CLVS1: variants seen among roughly 807,000 people sequenced by gnomAD.
CLVS1 encodes clavesin 1.
Under a neutral mutation model 33.1 loss-of-function variants are expected in CLVS1, and 10 were observed. The observed-to-expected ratio is 0.30, with a 90% confidence interval of 0.19 to 0.51. The LOEUF (loss-of-function observed/expected upper bound fraction) is 0.51, where lower values mean the gene tolerates loss of function less well. Among genes scored for constraint, CLVS1 ranks in the 20% least tolerant of loss-of-function variants. The pLI, the probability that CLVS1 is intolerant of heterozygous loss-of-function variation, is 0.97. For synonymous variants in CLVS1, 163 were observed against 166.1 expected (o/e 0.98, Z 0.14); for missense variants, 343 against 433.4 (o/e 0.79, Z 1.85).
intron 2 of CLVS1, among the ~76,000 whole-genome samples, chr8:61,189,430 T>C (rs1452198886): frequency 6.6e-6 from 1 of 152,184 alleles, no homozygotes; most frequent in Non-Finnish European, 1.5e-5. Flanking sequence ...GGCCAAATTC[T>C]AAAGACCATG....
At chr8:61,132,539 A>G (rs552048988) in intron 2 of CLVS1, among the ~76,000 whole-genome samples, 4 of 152,324 alleles carry the variant, frequency 2.6e-5, no homozygotes, top group Non-Finnish European at 4.4e-5. Flanking sequence ...TCCATAAAAG[A>G]GAAAAGAGAA....
intron 2 of CLVS1, among the ~76,000 whole-genome samples, chr8:61,235,258 A>G (rs1178533795): frequency 1.3e-5 from 2 of 152,196 alleles, no homozygotes; most frequent in Non-Finnish European, 2.9e-5. Flanking sequence ...GATTGTCCCA[A>G]AAGTGACCAG....
intron 2 of CLVS1, among the ~76,000 whole-genome samples, chr8:61,357,494 C>CTTTTCTTTTTTTTTTT (rs1812776284): frequency 3.9e-5 from 1 of 25,804 alleles, no homozygotes; most frequent in African/African-American, 9.9e-5. Flanking sequence ...TTTTTCTTTT[C>CTTTTCTTTTTTTTTTT]TTTTTTTTTT....
chr8:61,223,724 T>C (rs1385595651), intron 2 of CLVS1, among the ~76,000 whole-genome samples: 2 of 152,242 alleles, frequency 1.3e-5, no homozygotes, highest in African/African-American at 4.8e-5. Flanking sequence ...CATGTTGGCC[T>C]GTCTTGCTAA....
the CLVS1 span, among the ~76,000 whole-genome samples, chr8:60,993,633 C>T: frequency 6.6e-6 from 1 of 152,238 alleles, no homozygotes; most frequent in Non-Finnish European, 1.5e-5. Context: ...CTCTGACTGC[C>T]TCCCAGCCTG....
intron 2 of CLVS1, among the ~76,000 whole-genome samples, chr8:61,228,241 T>C (rs372438426): frequency 1.3e-5 from 2 of 152,226 alleles, no homozygotes; most frequent in Non-Finnish European, 2.9e-5. Context: ...CTTTGAAATA[T>C]GGATACATTA....
the CLVS1 span, among the ~76,000 whole-genome samples, chr8:61,014,092 T>TGG: frequency 2.5e-4 from 38 of 151,882 alleles, no homozygotes; most frequent in African/African-American, 7.7e-4. Context: ...AGTGTTTTTT[T>TGG]TTTTTTTTTT....
chr8:61,019,693 T>C, the CLVS1 span, among the ~76,000 whole-genome samples: 2 of 152,166 alleles, frequency 1.3e-5, no homozygotes, highest in Non-Finnish European at 2.9e-5. Flanking sequence ...CTCCATTTAT[T>C]TGGCCTTTTC....
intron 1 of CLVS1, among the ~76,000 whole-genome samples, chr8:61,129,626 AC>A (rs1393546706): frequency 2.0e-5 from 3 of 152,150 alleles, no homozygotes; most frequent in Non-Finnish European, 2.9e-5. Context: ...CAATAAGGCC[AC>A]TTTCTGGTTC....
At chr8:61,399,719 T>C (rs1814674619) in intron 3 of CLVS1, among the ~76,000 whole-genome samples, 2 of 152,180 alleles carry the variant, frequency 1.3e-5, no homozygotes, top group Non-Finnish European at 2.9e-5. Flanking sequence ...GTATATGGTG[T>C]AAGGAATGGG....
chr8:61,093,817 C>G (rs1198116209), intron 1 of CLVS1, among the ~76,000 whole-genome samples: 1 of 152,188 alleles, frequency 6.6e-6, no homozygotes, highest in Non-Finnish European at 1.5e-5. Flanking sequence ...TTCAGCAGCT[C>G]GCTGCAATGC....
rs1004446368 is a variant in CLVS1, at chr8:61,345,638, A to ATGTGTG, written c.456-30939_456-30934dup. ...CCTCTAGGGGTGTGTGTGTGTGTGT[A>ATGTGTG]TGTGTGTGTGTGTGTGTGTGTGTGT... On this transcript the variant is annotated intron_variant, in intron 2 of 5. Transcript: ENST00000325897. 5.3e-3 allele frequency among the ~76,000 whole-genome samples: 695 copies of ATGTGTG among 130,474 alleles called. 3 individuals carry two copies. The highest frequency in any genetic ancestry group is 0.012 in the African/African-American group (371 of 31,132). The allele number at this position is 130,474 out of a possible 152,430, so 85.6% of individuals were successfully genotyped here.
At chr8:61,286,524 G>A (rs536517096), upstream of CLVS1, among the ~76,000 whole-genome samples, 16 of 152,236 alleles carry the variant, frequency 1.1e-4, no homozygotes, top group South Asian at 8.3e-4. Context: ...GGATTCTCTC[G>A]TTCTGGGAAT....
At chr8:61,484,431 A>G (rs541136498) in intron 5 of CLVS1, among the ~76,000 whole-genome samples, 2 of 152,342 alleles carry the variant, frequency 1.3e-5, no homozygotes, top group South Asian at 4.1e-4. Flanking sequence ...CCACTGCTCA[A>G]TGAAATAAAA....
At chr8:61,295,428 C>A (rs935515799) in intron 1 of CLVS1, among the ~76,000 whole-genome samples, 3 of 152,130 alleles carry the variant, frequency 2.0e-5, no homozygotes, top group African/African-American at 7.2e-5. Context: ...GCAGAGACAG[C>A]TAGATTTTGA....
intron 5 of CLVS1, among the ~76,000 whole-genome samples, chr8:61,498,475 T>C (rs1804345899): frequency 6.6e-6 from 1 of 152,264 alleles, no homozygotes; most frequent in Admixed American, 6.5e-5. Flanking sequence ...CATGATAATT[T>C]GTTTTTAGTT....
chr8:61,475,157 T>C (rs1817873849), intron 5 of CLVS1, among the ~76,000 whole-genome samples: 1 of 152,232 alleles, frequency 6.6e-6, no homozygotes, highest in Non-Finnish European at 1.5e-5. Context: ...TAGTATTCCA[T>C]GGTGTATATG....
the CLVS1 span, among the ~76,000 whole-genome samples, chr8:60,978,809 CAA>C: frequency 4.4e-5 from 1 of 22,530 alleles, no homozygotes; most frequent in Non-Finnish European, 7.9e-5. Context: ...GACTCCATCT[CAA>C]AAAAAAAAAA....
At chr8:61,292,769 T>C (rs532620706) in intron 1 of CLVS1, among the ~76,000 whole-genome samples, 2 of 152,294 alleles carry the variant, frequency 1.3e-5, no homozygotes, top group African/African-American at 4.8e-5. Flanking sequence ...GTAAGGTAAA[T>C]GCTACTTCAA....
Sources: allele counts gnomAD v4.1 joint callset (sites outside exome capture counted in the v4.1 genomes callset), GRCh38; gene constraint gnomAD v4.1.1; transcripts MANE v1.5; gene names NCBI Gene and HGNC (gene_info 2026-07-23, HGNC 2026-07-21).